ELOVL7: variants seen among roughly 807,000 people sequenced by gnomAD.
The protein encoded by ELOVL7 is very long chain fatty acid elongase 7.
A neutral mutation model predicts 35.7 loss-of-function variants in ELOVL7; 27 were observed. That is an observed-to-expected ratio of 0.76 (90% CI 0.56 to 1.04). The LOEUF is 1.04. Ranked by LOEUF, ELOVL7 falls within the 50% of genes least tolerant of loss-of-function variation. ELOVL7 has a pLI of 0.00. For missense variants in ELOVL7, 327 were observed against 340.8 expected (o/e 0.96, Z 0.32); for synonymous variants, 113 against 114.6 (o/e 0.99, Z 0.09).
rs1418629164 is a variant in ELOVL7 at position 60,752,584 on chromosome 5, T to C, written c.*2040A>G. On this transcript the variant is annotated 3_prime_UTR_variant, in exon 9 of 9. Coordinates refer to ENST00000508821, the MANE Select transcript of ELOVL7 (RefSeq NM_024930.3). ...AAAACAGTTAAGGAGTCCTGAGACC[T>C]TTCCAGTGGAATAAATTAGAGCAGC... 1 of 152,642 alleles carries C rather than the reference T, an allele frequency of 6.6e-6. No individual in the cohort carries two copies. The highest frequency in any genetic ancestry group is 2.4e-5 in the African/African-American group (1 of 41,454). The allele number at this position is 152,642 out of a possible 1,614,324, so 9.5% of individuals were successfully genotyped here. A position where few individuals can be genotyped will look rare whatever the true frequency, so the allele number is the denominator to read the frequency against.
intron 8 of ELOVL7, among the ~76,000 whole-genome samples, 176 bp downstream of exon 8, chr5:60,757,333 G>A (rs990714988): frequency 1.1e-4 from 17 of 152,032 alleles, no homozygotes; most frequent in Non-Finnish European, 2.4e-4. Flanking sequence ...TGAGCCTCTT[G>A]GTTACCAAAG....
intron 2 of ELOVL7, among the ~76,000 whole-genome samples, chr5:60,798,622 T>C (rs1483691824): frequency 1.3e-5 from 2 of 152,200 alleles, no homozygotes; most frequent in Non-Finnish European, 2.9e-5. Context: ...ATAAGATCAT[T>C]ATATGGTGAT....
intron 7 of ELOVL7, among the ~76,000 whole-genome samples, chr5:60,762,158 G>C (rs988138359): frequency 6.6e-6 from 1 of 151,842 alleles, no homozygotes; most frequent in African/African-American, 2.4e-5. Context: ...CAAGAAACCC[G>C]TTATAAAGTG....
At chr5:60,807,182 T>C (rs1744980210) in intron 1 of ELOVL7, among the ~76,000 whole-genome samples, 1 of 151,312 alleles carries the variant, frequency 6.6e-6, no homozygotes, top group Admixed American at 6.6e-5. Context: ...TTTCTCCAGG[T>C]GGTGAATGGT....
chr5:60,809,623 C>A (rs572544752), intron 1 of ELOVL7, among the ~76,000 whole-genome samples: 3 of 152,232 alleles, frequency 2.0e-5, no homozygotes, highest in African/African-American at 7.2e-5. Context: ...ATTTCAAGGA[C>A]AAAAACATCT....
chr5:60,814,227 A>G (rs1745395060), intron 1 of ELOVL7, among the ~76,000 whole-genome samples: 1 of 152,194 alleles, frequency 6.6e-6, no homozygotes, highest in Non-Finnish European at 1.5e-5. Flanking sequence ...AATTTTCATA[A>G]TGAGTTATTA....
intron 3 of ELOVL7, chr5:60,785,769 T>C (rs1368434965): frequency 1.3e-5 from 2 of 152,182 alleles, no homozygotes; most frequent in African/African-American, 4.8e-5. Context: ...AAGATAGGCA[T>C]AGTCACTATG....
chr5:60,839,805 A>G (rs1253871615), intron 1 of ELOVL7, among the ~76,000 whole-genome samples: 1 of 152,200 alleles, frequency 6.6e-6, no homozygotes, highest in Non-Finnish European at 1.5e-5. Context: ...TTCAAGACCA[A>G]TGTGGGCAAC....
intron 2 of ELOVL7, among the ~76,000 whole-genome samples, chr5:60,792,070 T>C (rs1743972253): frequency 6.6e-6 from 1 of 151,790 alleles, no homozygotes; most frequent in South Asian, 2.1e-4. Flanking sequence ...TATACAAGAC[T>C]GAGACGAAGG....
rs116723067 is a variant in ELOVL7 at position 60,831,623 on chromosome 5, T to A, written c.-86+12537A>T. ...TCATTAACATCCACAATTCGTGAGTTATCAAGAACCAATATTAATTTTTAA... is the reference window on the plus strand; with the variant it reads ...TCATTAACATCCACAATTCGTGAGTAATCAAGAACCAATATTAATTTTTAA... On this transcript the variant is annotated intron_variant, in intron 1 of 8. Coordinates refer to ENST00000508821, the MANE Select transcript of ELOVL7 (RefSeq NM_024930.3). Among the ~76,000 whole-genome samples, 693 of 152,340 alleles carry A rather than the reference T, an allele frequency of 4.5e-3. 5 individuals carry two copies. The highest frequency in any genetic ancestry group is 0.016 in the African/African-American group (656 of 41,580).
At chr5:60,837,315 T>TGGGGGGGGGGGGGGGGGGG (rs1227317155) in intron 1 of ELOVL7, among the ~76,000 whole-genome samples, 5 of 24,496 alleles carry the variant, frequency 2.0e-4, no homozygotes, top group Non-Finnish European at 2.9e-4. Context: ...GGCGGGGGGG[T>TGGGGGGGGGGGGGGGGGGG]GGGGGGGGAG....
At chr5:60,832,312 T>C (rs1746524589) in intron 1 of ELOVL7, among the ~76,000 whole-genome samples, 1 of 152,196 alleles carries the variant, frequency 6.6e-6, no homozygotes, top group African/African-American at 2.4e-5. Context: ...AACTCCTACT[T>C]GCTCTGTGCT....
At chr5:60,822,522 G>A (rs904690496) in intron 1 of ELOVL7, among the ~76,000 whole-genome samples, 1 of 152,218 alleles carries the variant, frequency 6.6e-6, no homozygotes, top group African/African-American at 2.4e-5. Flanking sequence ...CAAGGGCAGA[G>A]ATAGTTTGGT....
chr5:60,840,856 T>G (rs1747123513), intron 1 of ELOVL7, among the ~76,000 whole-genome samples: 1 of 152,150 alleles, frequency 6.6e-6, no homozygotes, highest in Non-Finnish European at 1.5e-5. Flanking sequence ...ACTTAGGTTG[T>G]TTATAATTTG....
chr5:60,795,816 C>T (rs372074880), intron 2 of ELOVL7, among the ~76,000 whole-genome samples: 1 of 147,158 alleles, frequency 6.8e-6, no homozygotes, highest in African/African-American at 2.6e-5. Flanking sequence ...CTAGGTTCCA[C>T]GGTTCTCTTC....
At chr5:60,755,370 G>A (rs973870520) in intron 8 of ELOVL7, among the ~76,000 whole-genome samples, 3 of 152,108 alleles carry the variant, frequency 2.0e-5, no homozygotes, top group Non-Finnish European at 2.9e-5. Flanking sequence ...AGATAAAAAT[G>A]TGTCTAGGCC....
At chr5:60,770,766 C>T (rs572236602) in intron 4 of ELOVL7, among the ~76,000 whole-genome samples, 28 of 152,070 alleles carry the variant, frequency 1.8e-4, no homozygotes, top group African/African-American at 4.1e-4. Context: ...GACATGATCA[C>T]GGCTCATTGC....
intron 1 of ELOVL7, among the ~76,000 whole-genome samples, chr5:60,813,468 T>C (rs1228449271): frequency 1.3e-5 from 2 of 152,112 alleles, no homozygotes; most frequent in Non-Finnish European, 2.9e-5. Flanking sequence ...CTATTCTAAA[T>C]TACATCAAGT....
At chr5:60,757,394 G>T in intron 8 of ELOVL7, 115 bp downstream of exon 8, 1 of 1,050,598 alleles carries the variant, frequency 9.5e-7, no homozygotes, top group Non-Finnish European at 1.4e-6. Context: ...GGGGCCAGAC[G>T]CTCTACCCCT....
Sources: allele counts gnomAD v4.1 joint callset (sites outside exome capture counted in the v4.1 genomes callset), GRCh38; gene constraint gnomAD v4.1.1; transcripts MANE v1.5; gene names NCBI Gene and HGNC (gene_info 2026-07-23, HGNC 2026-07-21).